Variants in ESRP1 observed in about 807,000 individuals in gnomAD.
The protein encoded by ESRP1 is RNA-binding motif protein 35A.
In ESRP1, 33 loss-of-function variants were observed where a neutral mutation model predicts 81.7. The ratio of observed to expected loss-of-function variants is 0.40; its 90% CI spans 0.31 to 0.54. ESRP1 has a LOEUF of 0.54. Among genes scored for constraint, ESRP1 ranks in the 20% least tolerant of loss-of-function variants. The pLI is 0.41. For missense variants in ESRP1, 672 were observed against 833.1 expected (o/e 0.81, Z 2.38); for synonymous variants, 320 against 303.3 (o/e 1.06, Z -0.57).
At chr8:94,642,563 C>T (rs1055689001) in intron 2 of ESRP1, among the ~76,000 whole-genome samples, 1 of 152,176 alleles carries the variant, frequency 6.6e-6, no homozygotes, top group Non-Finnish European at 1.5e-5. Context: ...TGGTTTCAGG[C>T]TTCTGAACTC....
intron 13 of ESRP1, among the ~76,000 whole-genome samples, chr8:94,681,227 G>T (rs1272179891): frequency 4.7e-5 from 7 of 149,214 alleles, no homozygotes; most frequent in Admixed American, 1.4e-4. Context: ...TTGGGAGGCT[G>T]AGGCAGGAGA....
At chr8:94,684,791 C>T (rs1326340911) in intron 13 of ESRP1, among the ~76,000 whole-genome samples, 1 of 152,020 alleles carries the variant, frequency 6.6e-6, no homozygotes, top group Non-Finnish European at 1.5e-5. Context: ...CATGGTGGCT[C>T]ATGCCTGTAA....
intron 3 of ESRP1, among the ~76,000 whole-genome samples, chr8:94,645,365 C>A (rs1817792536): frequency 6.6e-6 from 1 of 151,582 alleles, no homozygotes; most frequent in Non-Finnish European, 1.5e-5. Flanking sequence ...TAAGAAAAAT[C>A]TGAATTGAGT....
chr8:94,701,412 C>T (rs2130740498), intron 15 of ESRP1, among the ~76,000 whole-genome samples: 1 of 152,238 alleles, frequency 6.6e-6, no homozygotes, highest in East Asian at 1.9e-4. Flanking sequence ...ATCAACCCAG[C>T]CAACACACGT....
chr8:94,674,269 C>G (rs1819482016), intron 11 of ESRP1, 39 bp from the exon 12 acceptor site: 1 of 1,585,746 alleles, frequency 6.3e-7, no homozygotes, highest in South Asian at 1.1e-5. Flanking sequence ...TTGAAGGAGA[C>G]AGTCTCCTTT....
intron 1 of ESRP1, 46 bp from the exon 2 acceptor site, chr8:94,641,910 G>A: frequency 6.2e-7 from 1 of 1,605,758 alleles, no homozygotes; most frequent in Non-Finnish European, 8.5e-7. Flanking sequence ...GCAGAAAGAG[G>A]CTCCGAAATT....
At chr8:94,705,016 A>T (rs1810006873) in intron 15 of ESRP1, among the ~76,000 whole-genome samples, 1 of 152,050 alleles carries the variant, frequency 6.6e-6, no homozygotes, top group African/African-American at 2.4e-5. Flanking sequence ...TCCTTCTCTA[A>T]AATGGGGATA....
At chr8:94,679,323 C>T (rs1469943362) in intron 13 of ESRP1, among the ~76,000 whole-genome samples, 1 of 152,118 alleles carries the variant, frequency 6.6e-6, no homozygotes, top group Non-Finnish European at 1.5e-5. Flanking sequence ...TTTGAAAAGG[C>T]TAAGAAGCAT....
At chr8:94,642,125 C>G in intron 2 of ESRP1, 41 bp downstream of exon 2, 1 of 1,597,826 alleles carries the variant, frequency 6.3e-7, no homozygotes, top group Non-Finnish European at 8.5e-7. Context: ...AGCCTGGGCC[C>G]AACCCCACCG....
At chr8:94,648,312 T>A (rs1464618535) in intron 4 of ESRP1, among the ~76,000 whole-genome samples, 3 of 152,368 alleles carry the variant, frequency 2.0e-5, no homozygotes. Flanking sequence ...TACTTGTACA[T>A]GTCTTTCTCA....
chr8:94,696,748 C>A (rs2130728160), intron 14 of ESRP1, 104 bp from the exon 15 acceptor site: 1 of 835,030 alleles, frequency 1.2e-6, no homozygotes, highest in East Asian at 2.7e-5. Flanking sequence ...TTCCTCCTAT[C>A]TAAATGTCCT....
intron 13 of ESRP1, among the ~76,000 whole-genome samples, chr8:94,683,544 CTTG>C (rs1809011444): frequency 6.6e-6 from 1 of 152,224 alleles, no homozygotes; most frequent in Middle Eastern, 3.4e-3. Flanking sequence ...TTCTAATTTG[CTTG>C]TTGTTGCAAG....
At chr8:94,678,562 T>C (rs925992980) in intron 13 of ESRP1, among the ~76,000 whole-genome samples, 191 bp downstream of exon 13, 4 of 152,386 alleles carry the variant, frequency 2.6e-5, no homozygotes, top group Non-Finnish European at 1.5e-5. Context: ...TTTAACCATA[T>C]ACTGACAGCA....
chr8:94,694,746 T>C (rs908578968), intron 14 of ESRP1, among the ~76,000 whole-genome samples: 2 of 152,254 alleles, frequency 1.3e-5, no homozygotes, highest in African/African-American at 4.8e-5. Context: ...AGTTTTTCTT[T>C]GTAGTAACTT....
chr8:94,705,903 C>CTTTTTTTTTTTTTTTTT, intron 15 of ESRP1, 22 bp from the exon 16 acceptor site: 1 of 1,368,438 alleles, frequency 7.3e-7, no homozygotes. Context: ...CTTTTATTCA[C>CTTTTTTTTTTTTTTTTT]TTTTTTTTTT....
chr8:94,670,944 C>T (rs774496892), intron 10 of ESRP1, among the ~76,000 whole-genome samples: 2 of 152,084 alleles, frequency 1.3e-5, no homozygotes, highest in Non-Finnish European at 2.9e-5. Flanking sequence ...GATTGTTTGG[C>T]CTGTGATTCT....
At chr8:94,655,060 G>GTTGTT (rs1818328690) in intron 4 of ESRP1, among the ~76,000 whole-genome samples, 1 of 146,626 alleles carries the variant, frequency 6.8e-6, no homozygotes, top group Non-Finnish European at 1.5e-5. Flanking sequence ...GGTTTTTTGG[G>GTTGTT]TTTTTTGTGT....
rs567302734 is a variant in ESRP1, at chr8:94,658,716, G to C, written c.491-3556G>C. Among the ~76,000 whole-genome samples the C allele has an allele frequency of 7.2e-5, 11 of 152,260 alleles. No homozygotes were observed. In the South Asian group the frequency reaches 2.3e-3, roughly 32 times the overall value. ...TTGAGATTGATTGACAAACATTCCT[G>C]TGGCATCCTTTGTATCTGGCCATCT... On this transcript the variant is annotated intron_variant, in intron 4 of 15. Transcript: ENST00000433389.
chr8:94,666,669 T>A (rs1819030822), intron 9 of ESRP1, among the ~76,000 whole-genome samples: 2 of 152,264 alleles, frequency 1.3e-5, no homozygotes, highest in African/African-American at 4.8e-5. Context: ...GGTATATTTT[T>A]GCTCCAGTTC....
Sources: allele counts gnomAD v4.1 joint callset (sites outside exome capture counted in the v4.1 genomes callset), GRCh38; gene constraint gnomAD v4.1.1; transcripts MANE v1.5; gene names NCBI Gene and HGNC (gene_info 2026-07-23, HGNC 2026-07-21).